Variants in ZNF385C observed in about 807,000 individuals in gnomAD.
ZNF385C encodes zinc finger protein 385C.
A neutral mutation model predicts 35.4 loss-of-function variants in ZNF385C; 28 were observed. That is an observed-to-expected ratio of 0.79 (90% CI 0.59 to 1.08). The LOEUF (loss-of-function observed/expected upper bound fraction) is 1.08, where lower values mean the gene tolerates loss of function less well. ZNF385C is among the 50% of genes least tolerant of loss of function. The pLI is 0.00. For synonymous variants in ZNF385C, 248 were observed against 248.2 expected, an observed-to-expected ratio of 1.00 and a Z score of 0.01; for missense variants, 605 against 595.6, an observed-to-expected ratio of 1.02 and a Z score of -0.16.
chr17:42,027,918 G>T (rs1284386703), intron 7 of ZNF385C, 132 bp downstream of exon 7: 5 of 1,293,922 alleles, frequency 3.9e-6, no homozygotes, highest in Non-Finnish European at 5.4e-6. Flanking sequence ...TGGCCCACTG[G>T]CCTGCTGGCC....
chr17:42,027,554 G>GGCCACCCC, intron 8 of ZNF385C, 64 bp downstream of exon 8: 1 of 556,874 alleles, frequency 1.8e-6, no homozygotes. Context: ...CCCCCATCTG[G>GGCCACCCC]CCCTCCCAGC....
intron 2 of ZNF385C, among the ~76,000 whole-genome samples, chr17:42,057,135 A>C (rs1555657587): frequency 2.6e-5 from 4 of 152,094 alleles, no homozygotes; most frequent in Non-Finnish European, 5.9e-5. Flanking sequence ...ACGTTGTCTC[A>C]ATAAACAAAA....
intron 2 of ZNF385C, 80 bp from the exon 3 acceptor site, chr17:42,037,965 T>C: frequency 1.3e-6 from 2 of 1,542,926 alleles, no homozygotes; most frequent in Non-Finnish European, 1.7e-6. Context: ...GTGGGCTTCT[T>C]GGGTGTGGAG....
At position 42,077,442 on chromosome 17, in the gene ZNF385C, C is replaced by T. The variant is rs545088017; in HGVS notation, c.-2-14384G>A. On this transcript the variant is annotated intron_variant, in intron 1 of 8. Coordinates refer to ENST00000692273, the MANE Select transcript of ZNF385C (RefSeq NM_001392013.1). ...GTGAAGGAACTTATGCAACCCTCAA[C>T]ATTACACAGCTTGGAAGAGGCCCAT... Among the ~76,000 whole-genome samples, 5 of 152,274 alleles carry T rather than the reference C, an allele frequency of 3.3e-5. No homozygotes were observed. In the South Asian group the frequency reaches 8.3e-4, roughly 25 times the overall value.
rs782451235 is a variant in ZNF385C at position 42,027,099 on chromosome 17, G to A, written c.1310C>T (p.Thr437Met). ...GCTGGGCAGGAAGCGGGCTGCCAAC[G>A]TCTTGGTGAGTTGCTTCTGCAAGGC... ...KLALQKQLTK[T>M]LAARFLPSPL... The change falls in exon 9 of 9, where the codon ACG becomes ATG. Residue 437 changes from threonine to methionine, a missense_variant. Transcript: ENST00000692273. 15 of 1,613,374 alleles carry A rather than the reference G, an allele frequency of 9.3e-6. No individual in the cohort carries two copies. The highest frequency in any genetic ancestry group is 1.3e-5 in the Non-Finnish European group (15 of 1,179,740).
intron 2 of ZNF385C, among the ~76,000 whole-genome samples, chr17:42,046,878 T>TA (rs2053172221): frequency 6.6e-6 from 1 of 151,416 alleles, no homozygotes. Context: ...TTTTTTTTTT[T>TA]AATTGAGACA....
chr17:42,041,993 C>A (rs2053033319), intron 2 of ZNF385C, among the ~76,000 whole-genome samples: 2 of 152,174 alleles, frequency 1.3e-5, no homozygotes, highest in Admixed American at 6.5e-5. Context: ...TATGTAATCT[C>A]CTGAGTTTTT....
intron 2 of ZNF385C, among the ~76,000 whole-genome samples, chr17:42,053,624 CCTTT>C (rs1290818607): frequency 8.5e-5 from 13 of 152,152 alleles, no homozygotes; most frequent in African/African-American, 3.1e-4. Flanking sequence ...GCATTCCTAC[CCTTT>C]CTTTCACCTT....
chr17:42,050,820 G>A lies in ZNF385C; in HGVS notation c.250+11987C>T, dbSNP rs1320877061. 6.6e-6 allele frequency among the ~76,000 whole-genome samples: 1 copy of A among 151,738 alleles called. No homozygotes were observed. The highest frequency in any genetic ancestry group is 1.5e-5 in the Non-Finnish European group (1 of 67,900). On this transcript the variant is annotated intron_variant, in intron 2 of 8. Coordinates refer to ENST00000692273, the MANE Select transcript of ZNF385C (RefSeq NM_001392013.1). This position sits in a 1 kb window ranked among gnomAD's most constrained non-coding sequence, Gnocchi z 5.6. ...GCCCCACGCGCGGCAGCAGGAGCCA[G>A]AGGCTAGACCGCAGGCAGCGCGGTG... is the stretch of plus-strand genomic sequence containing the variant.
At chr17:42,038,253 T>C in intron 2 of ZNF385C, 1 of 554,480 alleles carries the variant, frequency 1.8e-6, no homozygotes, top group Non-Finnish European at 3.1e-6. Context: ...GATTCCATTT[T>C]ATTGCAAATT....
intron 2 of ZNF385C, chr17:42,040,498 T>A (rs1567986667): frequency 2.4e-6 from 3 of 1,232,494 alleles, no homozygotes; most frequent in Non-Finnish European, 2.0e-6. Context: ...GGAGAGCTTC[T>A]GCACAGAGGG....
At chr17:42,037,392 C>T (rs2052881830) in intron 3 of ZNF385C, among the ~76,000 whole-genome samples, 1 of 151,148 alleles carries the variant, frequency 6.6e-6, no homozygotes, top group Admixed American at 6.6e-5. Context: ...CACACACACA[C>T]ACACACACAC....
At chr17:42,075,646 C>A (rs990360971) in intron 1 of ZNF385C, among the ~76,000 whole-genome samples, 7 of 152,176 alleles carry the variant, frequency 4.6e-5, no homozygotes, top group African/African-American at 1.7e-4. Flanking sequence ...AGGCGCCCAC[C>A]ACCACGCCCA....
intron 2 of ZNF385C, among the ~76,000 whole-genome samples, chr17:42,055,618 C>A (rs1454706158): frequency 6.6e-6 from 1 of 152,064 alleles, no homozygotes; most frequent in Non-Finnish European, 1.5e-5. Context: ...TGTGGGAGGC[C>A]GTGACTGGGG....
At chr17:42,034,178 C>T in intron 4 of ZNF385C, 47 bp downstream of exon 4, 1 of 1,469,970 alleles carries the variant, frequency 6.8e-7, no homozygotes, top group East Asian at 2.5e-5. Flanking sequence ...CCAGCCCTCT[C>T]CCTGCCCAGC....
intron 1 of ZNF385C, among the ~76,000 whole-genome samples, chr17:42,084,554 T>C (rs1555659990): frequency 6.6e-6 from 1 of 152,166 alleles, no homozygotes; most frequent in African/African-American, 2.4e-5. Context: ...GTTATTAATA[T>C]AAACGTTTCA....
Position 42,066,360 on chromosome 17 carries a change from A to G in ZNF385C, c.-2-3302T>C, listed in dbSNP as rs117241805. On this transcript the variant is annotated intron_variant, in intron 1 of 8. Coordinates refer to ENST00000692273, the MANE Select transcript of ZNF385C (RefSeq NM_001392013.1). ...AGCGTGAGCCACTGGTGCCCGGCCA[A>G]TCAGCTGTTATTAACACATAGTGTG... Among the ~76,000 whole-genome samples the G allele has an allele frequency of 4.1e-3, 619 of 152,210 alleles. 13 individuals are homozygous for G. Among genetic ancestry groups the G allele is most frequent in the East Asian group, 0.031 (162 of 5,184 alleles).
At chr17:42,032,716 C>CT (rs573697940) in intron 4 of ZNF385C, among the ~76,000 whole-genome samples, 1,458 of 144,742 alleles carry the variant, frequency 0.01, 25 homozygotes, top group African/African-American at 0.032. Context: ...TCTCCTCCAT[C>CT]TTTTTTTTTT....
At chr17:42,093,592 T>A (rs1435996410) in intron 1 of ZNF385C, among the ~76,000 whole-genome samples, 1 of 151,474 alleles carries the variant, frequency 6.6e-6, no homozygotes, top group Non-Finnish European at 1.5e-5. Flanking sequence ...TTTATTTTTT[T>A]TTTTTTGAGA....
Sources: allele counts gnomAD v4.1 joint callset (sites outside exome capture counted in the v4.1 genomes callset), GRCh38; gene constraint gnomAD v4.1.1; non-coding constraint Gnocchi (gnomAD v3.1); transcripts MANE v1.5; gene names NCBI Gene and HGNC (gene_info 2026-07-23, HGNC 2026-07-21).